Variants in STX8 observed in about 807,000 individuals in gnomAD.
STX8 encodes syntaxin 8.
In STX8, 23 loss-of-function variants were observed where a neutral mutation model predicts 37.5. The observed-to-expected ratio is 0.61, with a 90% CI of 0.44 to 0.87. STX8 has a LOEUF of 0.87. Among genes scored for constraint, STX8 ranks in the 40% least tolerant of loss-of-function variants. STX8 has a pLI of 0.00. For synonymous variants in STX8, 115 were observed against 99.1 expected, an observed-to-expected ratio of 1.16 and a Z score of -0.95; for missense variants, 313 against 284.7, an observed-to-expected ratio of 1.10 and a Z score of -0.71.
chr17:9,414,067 C>CACCCATCT (rs1913078773), intron 6 of STX8, among the ~76,000 whole-genome samples: 1 of 131,394 alleles, frequency 7.6e-6, no homozygotes. Flanking sequence ...TCCATCCATC[C>CACCCATCT]ATCCACCCAT....
At chr17:9,543,959 A>G (rs922361787) in intron 4 of STX8, among the ~76,000 whole-genome samples, 10 of 152,094 alleles carry the variant, frequency 6.6e-5, no homozygotes, top group African/African-American at 2.4e-4. Context: ...CATTTTCTTC[A>G]GCTTGTTCTA....
At chr17:9,520,066 G>A (rs1027092582) in intron 4 of STX8, among the ~76,000 whole-genome samples, 1 of 152,164 alleles carries the variant, frequency 6.6e-6, no homozygotes, top group Non-Finnish European at 1.5e-5. Context: ...TGACAGTTAT[G>A]TTTATATCCC....
chr17:9,444,559 C>G (rs747260171), intron 6 of STX8, among the ~76,000 whole-genome samples: 15 of 152,174 alleles, frequency 9.9e-5, no homozygotes, highest in Non-Finnish European at 1.6e-4. Flanking sequence ...TCATCTTGAG[C>G]TTGGAGAAGT....
chr17:9,270,759 A>G (rs1489730988), intron 7 of STX8, among the ~76,000 whole-genome samples: 2 of 152,248 alleles, frequency 1.3e-5, no homozygotes, highest in Non-Finnish European at 2.9e-5. Context: ...GCATTCCAGT[A>G]AAGTAAGTCC....
intron 4 of STX8, among the ~76,000 whole-genome samples, chr17:9,543,079 A>G (rs139624046): frequency 3.3e-5 from 5 of 152,278 alleles, no homozygotes; most frequent in African/African-American, 1.2e-4. Context: ...GGTGCAAAAC[A>G]TGCTCTTCTC....
intron 6 of STX8, among the ~76,000 whole-genome samples, chr17:9,458,949 C>G (rs1441366512): frequency 1.3e-5 from 2 of 151,680 alleles, no homozygotes; most frequent in African/African-American, 4.8e-5. Flanking sequence ...CCTGCCTCAA[C>G]CTCCTGAGTA....
chr17:9,335,723 T>C (rs1383056391), intron 7 of STX8, among the ~76,000 whole-genome samples: 46 of 152,144 alleles, frequency 3.0e-4, no homozygotes, highest in Non-Finnish European at 4.4e-5. Flanking sequence ...AAAGATAATA[T>C]ATGAGCTAGA....
At chr17:9,445,964 T>C (rs1412945751) in intron 6 of STX8, among the ~76,000 whole-genome samples, 3 of 151,182 alleles carry the variant, frequency 2.0e-5, no homozygotes, top group African/African-American at 7.3e-5. Context: ...GCCTCCCGAG[T>C]AGCTGGGACT....
chr17:9,277,402 C>T (rs1448597581), intron 7 of STX8, among the ~76,000 whole-genome samples: 1 of 151,882 alleles, frequency 6.6e-6, no homozygotes, highest in African/African-American at 2.4e-5. Context: ...GGCAGGGTCT[C>T]AATGAGTGAA....
intron 7 of STX8, among the ~76,000 whole-genome samples, chr17:9,282,505 C>T (rs1355451139): frequency 2.0e-5 from 3 of 152,198 alleles, no homozygotes; most frequent in Non-Finnish European, 2.9e-5. Flanking sequence ...ATTATTCCTT[C>T]CAACATTACA....
At chr17:9,549,938 C>T (rs569058719) in intron 3 of STX8, among the ~76,000 whole-genome samples, 20 of 152,070 alleles carry the variant, frequency 1.3e-4, no homozygotes, top group Admixed American at 8.5e-4. Context: ...AAGTAGGACA[C>T]ACAGGCCAAG....
At chr17:9,527,714 C>G (rs1490990736) in intron 4 of STX8, among the ~76,000 whole-genome samples, 1 of 152,156 alleles carries the variant, frequency 6.6e-6, no homozygotes, top group African/African-American at 2.4e-5. Context: ...CAAAATCCAT[C>G]AAGTTCTGTA....
At chr17:9,370,400 C>T (rs1911366647) in intron 7 of STX8, among the ~76,000 whole-genome samples, 1 of 152,132 alleles carries the variant, frequency 6.6e-6, no homozygotes, top group Admixed American at 6.5e-5. Flanking sequence ...AAGCAGCTCT[C>T]TAAGTCACCC....
At chr17:9,417,215 A>G (rs1347279879) in intron 6 of STX8, among the ~76,000 whole-genome samples, 1 of 152,148 alleles carries the variant, frequency 6.6e-6, no homozygotes, top group Non-Finnish European at 1.5e-5. Context: ...TACTGCAATA[A>G]CGCTGTCTCA....
At chr17:9,311,510 TAGAA>T (rs1304455970) in intron 7 of STX8, among the ~76,000 whole-genome samples, 8 of 152,206 alleles carry the variant, frequency 5.3e-5, no homozygotes, top group East Asian at 1.9e-4. Context: ...TATAGTTAAA[TAGAA>T]AGAAATGTTT....
intron 7 of STX8, among the ~76,000 whole-genome samples, chr17:9,336,406 CCCTTCCTTCCCCTT>C (rs949274421): frequency 6.6e-6 from 1 of 151,474 alleles, no homozygotes; most frequent in African/African-American, 2.4e-5. Flanking sequence ...TCCCCTTCCT[CCCTTCCTTCCCCTT>C]CCTTCCTTCC....
At chr17:9,265,062 T>C (rs1907184029) in intron 7 of STX8, among the ~76,000 whole-genome samples, 1 of 144,578 alleles carries the variant, frequency 6.9e-6, no homozygotes, top group South Asian at 2.1e-4. Context: ...GAGGTTACAG[T>C]GAGCCATGAT....
chr17:9,251,838 C>T (rs1240443556), intron 7 of STX8, among the ~76,000 whole-genome samples: 3 of 152,210 alleles, frequency 2.0e-5, no homozygotes, highest in Admixed American at 6.5e-5. Context: ...GGGCACTGCA[C>T]CATGGTTTTG....
Position 9,574,509 on chromosome 17 carries a change from T to C in STX8, c.17+1283A>G, listed in dbSNP as rs1294868268. 2.7e-5 allele frequency among the ~76,000 whole-genome samples: 4 copies of C among 149,690 alleles called. No individual in the cohort carries two copies. The South Asian group carries it at 6.3e-4, about 24-fold the overall frequency. ...AATATTCTCTATCAAGGGGTGTATATAACTGTTAAAATTAGGGATTTTGGG... is the reference window on the plus strand; with the variant it reads ...AATATTCTCTATCAAGGGGTGTATACAACTGTTAAAATTAGGGATTTTGGG... On this transcript the variant is annotated intron_variant, in intron 1 of 7. Transcript: ENST00000306357.
Sources: allele counts gnomAD v4.1 joint callset (sites outside exome capture counted in the v4.1 genomes callset), GRCh38; gene constraint gnomAD v4.1.1; transcripts MANE v1.5; gene names NCBI Gene and HGNC (gene_info 2026-07-23, HGNC 2026-07-21).